The following ATRX variants were observed in gnomAD, a reference collection of about 807,000 sequenced individuals.
ATRX encodes the protein chromatin remodeler ATRX.
ATRX carries 12 observed loss-of-function variants against 172.6 expected under a neutral mutation model. The ratio of observed to expected loss-of-function variants is 0.07; its 90% CI spans 0.04 to 0.11. The LOEUF (loss-of-function observed/expected upper bound fraction) is 0.11. ATRX is among the 10% of genes least tolerant of loss of function. ATRX has a pLI of 1.00. For synonymous variants in ATRX, 674 were observed against 594.7 expected, an observed-to-expected ratio of 1.13 and a Z score of -1.94; for missense variants, 1,368 against 1,767.4, an observed-to-expected ratio of 0.77 and a Z score of 4.05.
chrX:77,525,118 G>C (rs2063341719), intron 30 of ATRX, among the ~76,000 whole-genome samples: 1 of 112,148 alleles, frequency 8.9e-6, no homozygotes, highest in East Asian at 2.8e-4. Context: ...ACTCAATAAA[G>C]TCTACTGATA....
rs782315166 is a variant in ATRX, at chrX:77,587,804, A to C, written c.6217+2030T>G. ...AAATGTATACTCTGCAAACTATAAAATATTGGTGAAATAAATAAGAGACCT... is the reference window on the plus strand; with the variant it reads ...AAATGTATACTCTGCAAACTATAAACTATTGGTGAAATAAATAAGAGACCT... On this transcript the variant is annotated intron_variant, in intron 27 of 34. Transcript: ENST00000373344. Among the ~76,000 whole-genome samples, 4 of 112,605 alleles carry C rather than the reference A, an allele frequency of 3.6e-5. No homozygotes were observed. In the East Asian group the frequency reaches 1.1e-3, roughly 31 times the overall value.
Position 77,682,734 on chromosome X carries a change from A to G in ATRX, c.2522T>C (p.Ile841Thr), listed in dbSNP as rs797045405. ...AGAGTCAAAATCTTTTGTATTTGGA[A>G]TTCTTTTTTTGGTGGTTCTGGCAGC... ...IGAARTTKKR[I>T]PNTKDFDSSE... Residue 841 changes from isoleucine to threonine, a missense_variant, in exon 9 of 35, where the codon ATT becomes ACT. By Grantham distance (89) the Ile-to-Thr change is moderately conservative. Transcript: ENST00000373344. The G allele has an allele frequency of 8.3e-7, 1 of 1,209,657 alleles. No individual in the cohort carries two copies. The highest frequency in any genetic ancestry group is 2.2e-5 in the Admixed American group (1 of 45,885).
intron 2 of ATRX, among the ~76,000 whole-genome samples, chrX:77,716,323 A>AAATATAT (rs1557165064): frequency 2.9e-4 from 6 of 21,027 alleles, no homozygotes; most frequent in Admixed American, 9.7e-4. Context: ...AAAAAAAAAA[A>AAATATAT]ATATATATAT....
chrX:77,555,241 A>C (rs2147929220), intron 30 of ATRX, among the ~76,000 whole-genome samples: 1 of 111,903 alleles, frequency 8.9e-6, no homozygotes, highest in Non-Finnish European at 1.9e-5. Context: ...GAGAAATAGG[A>C]ACGCTTTTAC....
At position 77,508,234 on chromosome X, in the gene ATRX, T is replaced by C; in HGVS notation, c.*117A>G. 2.3e-6 allele frequency: 2 copies of C among 887,579 alleles called. No individual in the cohort carries two copies. Among genetic ancestry groups the C allele is most frequent in the Non-Finnish European group, 3.2e-6 (2 of 634,423 alleles). 73.1% of individuals were successfully genotyped at this position (887,579 alleles called of 1,213,427 possible). A position where few individuals can be genotyped will look rare whatever the true frequency, so the allele number is the denominator to read the frequency against. ...AAAAAAGTAAAACTAATATGGAAGA[T>C]TGGCATTTAAGGGGACCAAACTATT... On this transcript the variant is annotated 3_prime_UTR_variant, in exon 35 of 35. Transcript: ENST00000373344.
At chrX:77,715,611 AT>A (rs1450768683) in intron 2 of ATRX, among the ~76,000 whole-genome samples, 1 of 111,110 alleles carries the variant, frequency 9.0e-6, no homozygotes, top group Non-Finnish European at 1.9e-5. Context: ...AAAATAATGT[AT>A]TTTTTTCCTC....
intron 26 of ATRX, among the ~76,000 whole-genome samples, chrX:77,592,599 G>C (rs1461231720): frequency 9.2e-6 from 1 of 109,064 alleles, no homozygotes; most frequent in Non-Finnish European, 1.9e-5. Flanking sequence ...GATTACCTGA[G>C]GTCAGGAGTT....
intron 12 of ATRX, 148 bp from the exon 13 acceptor site, chrX:77,656,801 T>C (rs376251411): frequency 4.8e-4 from 198 of 414,709 alleles, no homozygotes; most frequent in Middle Eastern, 2.7e-3. Flanking sequence ...ATATAGAATA[T>C]ACCAGTTAAT....
intron 34 of ATRX, among the ~76,000 whole-genome samples, chrX:77,517,520 G>A (rs944935384): frequency 8.9e-6 from 1 of 111,737 alleles, no homozygotes; most frequent in Non-Finnish European, 1.9e-5. Flanking sequence ...CGAGATTAAA[G>A]CTGTAATAAA....
intron 1 of ATRX, among the ~76,000 whole-genome samples, chrX:77,743,047 T>C (rs1557183067): frequency 1.8e-5 from 2 of 110,377 alleles, no homozygotes; most frequent in African/African-American, 6.6e-5. Context: ...GGGGATGGGG[T>C]GGCTCTGCCT....
Position 77,508,601 on chromosome X carries a change from A to G in ATRX, c.7229T>C (p.Met2410Thr), listed in dbSNP as rs782388992. 4.2e-5 allele frequency: 51 copies of G among 1,210,451 alleles called. No homozygotes were observed. Among genetic ancestry groups the G allele is most frequent in the Middle Eastern group, 4.6e-4 (2 of 4,345 alleles). Residue 2410 changes from methionine (M) to threonine (T), a missense_variant, in exon 35 of 35, where the codon ATG becomes ACG. Around this residue, in one of 17 missense-constraint regions of ATRX, gnomAD observed 100 missense variants for 153.9 expected, o/e 0.65. Coordinates refer to ENST00000373344, the MANE Select transcript of ATRX (RefSeq NM_000489.6). ...MLISCVQRIL[M>T]NRRLQQQYNQ... ...GTACTGCTGCTGGAGCCTTCTGTTC[A>G]TAAGTATTCGCTGAACACAGCTGAT...
rs370074271 is a variant in ATRX at position 77,682,633 on chromosome X, A to G, written c.2623T>C (p.Ser875Pro). ...TGTTTTCTTTCAGCATCATCAGATG[A>G]TCCTTCTTGTGAGGTCTTCAAATTT... ...HKNLKTSQEG[S>P]SDDAERKQER... is the part of the protein sequence containing the mutation. The change falls in exon 9 of 35, where the codon TCA becomes CCA. Residue 875 changes from serine to proline, a missense_variant. Physicochemically the swap from Ser to Pro is moderately conservative, Grantham distance 74. Around this residue, in one of 17 missense-constraint regions of ATRX, gnomAD observed 843 missense variants for 643.1 expected, o/e 1.31. Transcript: ENST00000373344. 1.2e-5 allele frequency: 14 copies of G among 1,207,703 alleles called. No homozygotes were observed. The highest frequency in any genetic ancestry group is 1.6e-5 in the Non-Finnish European group (14 of 894,953).
chrX:77,650,006 T>C (rs1557115926), intron 15 of ATRX, among the ~76,000 whole-genome samples: 1 of 112,052 alleles, frequency 8.9e-6, no homozygotes, highest in African/African-American at 3.2e-5. Flanking sequence ...GGTAAATAAA[T>C]AGAGAAGTAC....
intron 1 of ATRX, among the ~76,000 whole-genome samples, chrX:77,766,424 C>T (rs1333925161): frequency 7.3e-5 from 8 of 108,970 alleles, no homozygotes; most frequent in Admixed American, 6.7e-4. Flanking sequence ...ACTTCTCAGA[C>T]GGGGCGGCTG....
intron 10 of ATRX, among the ~76,000 whole-genome samples, chrX:77,671,343 G>C (rs1225561284): frequency 1.9e-5 from 2 of 105,082 alleles, no homozygotes; most frequent in African/African-American, 6.9e-5. Context: ...ATGAAAAGTA[G>C]CTCTGTATCC....
intron 2 of ATRX, among the ~76,000 whole-genome samples, chrX:77,702,093 T>G (rs1323496232): frequency 8.9e-6 from 1 of 111,819 alleles, no homozygotes; most frequent in Admixed American, 9.5e-5. Context: ...AAAACTATCC[T>G]TATTAGAATG....
rs1229868870 is a variant in ATRX at position 77,529,170 on chromosome X, C to A, written c.6700-5769G>T. ...ATGTGATTATGTAAGGAGACCAAAC[C>A]TACGACTGACTGGGGTCCCTAAAAC... On this transcript the variant is annotated intron_variant, in intron 30 of 34. Transcript: ENST00000373344. Among the ~76,000 whole-genome samples, 3 of 111,585 alleles carry A rather than the reference C, an allele frequency of 2.7e-5. No homozygotes were observed. The East Asian group carries it at 8.4e-4, about 31-fold the overall frequency.
chrX:77,772,309 C>G (rs1159503369), intron 1 of ATRX, among the ~76,000 whole-genome samples: 2 of 56,870 alleles, frequency 3.5e-5, no homozygotes, highest in Non-Finnish European at 6.8e-5. Context: ...GAATCCGTCT[C>G]AAAAAAAAAA....
At chrX:77,559,180 T>C (rs2064915548) in intron 28 of ATRX, among the ~76,000 whole-genome samples, 1 of 110,630 alleles carries the variant, frequency 9.0e-6, no homozygotes, top group African/African-American at 3.3e-5. Context: ...CTATATTGTA[T>C]TGGGTACAGC....
Sources: gnomAD v4.1 joint callset for allele counts (sites outside exome capture counted in the v4.1 genomes callset) on GRCh38, gnomAD v4.1.1 for gene constraint, gnomAD v4.1.1 regional missense constraint, MANE v1.5 for transcripts, NCBI Gene and HGNC (gene_info 2026-07-23, HGNC 2026-07-21) for gene names.